The following MAPK4 variants were observed in gnomAD, a reference collection of about 807,000 sequenced individuals.
The protein encoded by MAPK4 is Erk3-related.
A neutral mutation model predicts 47.7 loss-of-function variants in MAPK4; 22 were observed. The observed-to-expected ratio is 0.46, with a 90% CI of 0.33 to 0.66. MAPK4 has a LOEUF of 0.66. Among genes scored for constraint, MAPK4 ranks in the 30% least tolerant of loss-of-function variants. The pLI is 0.02. For missense variants in MAPK4, 736 were observed against 831.7 expected, an observed-to-expected ratio of 0.88 and a Z score of 1.42; for synonymous variants, 390 against 365.7, an observed-to-expected ratio of 1.07 and a Z score of -0.76.
rs185290860 is a variant in MAPK4, at chr18:50,562,225, C to T, written c.-871+1982C>T. Among the ~76,000 whole-genome samples the T allele has an allele frequency of 2.7e-3, 415 of 152,182 alleles. 2 individuals are homozygous for T. The highest frequency in any genetic ancestry group is 9.6e-3 in the African/African-American group (397 of 41,532). On this transcript the variant is annotated intron_variant, in intron 1 of 5. Coordinates refer to ENST00000400384, the MANE Select transcript of MAPK4 (RefSeq NM_002747.4). Reference sequence around the variant, plus strand: ...ATTAGTGATTTGTATTAATCCAGAACCTAATCTGCTTTAACTCAATTACTC... The same window carrying T: ...ATTAGTGATTTGTATTAATCCAGAATCTAATCTGCTTTAACTCAATTACTC...
At chr18:50,661,767 A>G (rs1408831079) in intron 1 of MAPK4, among the ~76,000 whole-genome samples, 2 of 152,204 alleles carry the variant, frequency 1.3e-5, no homozygotes, top group African/African-American at 4.8e-5. Context: ...TTTCTTCCCA[A>G]TCTGAAATTC....
chr18:50,701,782 T>C (rs551747619), intron 2 of MAPK4, among the ~76,000 whole-genome samples: 1 of 152,176 alleles, frequency 6.6e-6, no homozygotes, highest in African/African-American at 2.4e-5. Flanking sequence ...TTATAGGTCA[T>C]GTACAAAAGA....
upstream of MAPK4, among the ~76,000 whole-genome samples, chr18:50,559,669 G>A (rs1325723487): frequency 6.7e-6 from 1 of 149,534 alleles, no homozygotes; most frequent in African/African-American, 2.5e-5. Flanking sequence ...GCGGGGCGGC[G>A]ACCGGGCTCA....
intron 1 of MAPK4, among the ~76,000 whole-genome samples, chr18:50,608,722 A>G (rs1348397413): frequency 6.6e-6 from 1 of 151,472 alleles, no homozygotes; most frequent in African/African-American, 2.4e-5. Context: ...TTATTTTATT[A>G]TTATTTTTGT....
At chr18:50,610,666 A>G (rs776140266) in intron 1 of MAPK4, among the ~76,000 whole-genome samples, 1 of 152,208 alleles carries the variant, frequency 6.6e-6, no homozygotes, top group Non-Finnish European at 1.5e-5. Flanking sequence ...GCTGAGAGAC[A>G]AGAGCTTCAT....
At chr18:50,593,355 A>T (rs572114902) in intron 1 of MAPK4, among the ~76,000 whole-genome samples, 3 of 152,076 alleles carry the variant, frequency 2.0e-5, no homozygotes, top group Non-Finnish European at 4.4e-5. Flanking sequence ...ACAGTTTCTC[A>T]TGTGGCATGA....
chr18:50,646,663 C>T (rs1415805312), intron 1 of MAPK4, among the ~76,000 whole-genome samples: 1 of 152,176 alleles, frequency 6.6e-6, no homozygotes, highest in African/African-American at 2.4e-5. Context: ...TAATGATGAC[C>T]CCCCTTGCTC....
intron 3 of MAPK4, among the ~76,000 whole-genome samples, chr18:50,718,728 CAT>C (rs1021874816): frequency 9.2e-5 from 14 of 152,040 alleles, no homozygotes; most frequent in Non-Finnish European, 1.5e-4. Flanking sequence ...ATATATAAAA[CAT>C]ATATTAATAT....
chr18:50,726,448 C>A (rs1320478490), intron 5 of MAPK4, among the ~76,000 whole-genome samples: 1 of 152,142 alleles, frequency 6.6e-6, no homozygotes, highest in African/African-American at 2.4e-5. Flanking sequence ...ATACAGTGCT[C>A]CGCAAGGATT....
intron 2 of MAPK4, among the ~76,000 whole-genome samples, chr18:50,706,627 C>A (rs1910073612): frequency 6.6e-6 from 1 of 152,146 alleles, no homozygotes; most frequent in Admixed American, 6.5e-5. Flanking sequence ...CAAGGACTGG[C>A]CTATTAAAAA....
At chr18:50,690,781 C>A (rs1390214423) in intron 2 of MAPK4, among the ~76,000 whole-genome samples, 2 of 152,152 alleles carry the variant, frequency 1.3e-5, no homozygotes, top group African/African-American at 4.8e-5. Context: ...AAGTGTACTT[C>A]TTTAATTATT....
chr18:50,610,514 T>A (rs992548201), intron 1 of MAPK4, among the ~76,000 whole-genome samples: 3 of 152,152 alleles, frequency 2.0e-5, no homozygotes, highest in African/African-American at 7.2e-5. Flanking sequence ...GGAGCAGCCC[T>A]CCTCCTGCCT....
chr18:50,701,003 G>T (rs920492505), intron 2 of MAPK4, among the ~76,000 whole-genome samples: 2 of 152,038 alleles, frequency 1.3e-5, no homozygotes, highest in Non-Finnish European at 2.9e-5. Context: ...TGCCCTTCAC[G>T]TGTTCCCTCC....
chr18:50,726,626 G>A (rs181818258), intron 5 of MAPK4, among the ~76,000 whole-genome samples: 5 of 152,220 alleles, frequency 3.3e-5, no homozygotes, highest in East Asian at 1.9e-4. Context: ...AACCAGGTTC[G>A]GTGGCTCATA....
At chr18:50,701,821 G>T (rs902721767) in intron 2 of MAPK4, among the ~76,000 whole-genome samples, 6 of 152,180 alleles carry the variant, frequency 3.9e-5, no homozygotes, top group Non-Finnish European at 8.8e-5. Context: ...TCCCAAATTT[G>T]ATAATCCAGA....
At chr18:50,634,319 T>TC (rs2042860246) in intron 1 of MAPK4, among the ~76,000 whole-genome samples, 1 of 151,072 alleles carries the variant, frequency 6.6e-6, no homozygotes, top group Non-Finnish European at 1.5e-5. Flanking sequence ...TTTTTTCTTT[T>TC]TTTTTTTTCC....
At chr18:50,602,680 G>C (rs890548106) in intron 1 of MAPK4, among the ~76,000 whole-genome samples, 1 of 152,148 alleles carries the variant, frequency 6.6e-6, no homozygotes. Flanking sequence ...TTAGCATAAG[G>C]TATGTGAGAA....
chr18:50,623,377 A>G (rs536007428), intron 1 of MAPK4, among the ~76,000 whole-genome samples: 2 of 152,304 alleles, frequency 1.3e-5, no homozygotes, highest in South Asian at 2.1e-4. Context: ...ATTTAGACTC[A>G]TCCCAAATCA....
intron 1 of MAPK4, among the ~76,000 whole-genome samples, chr18:50,603,446 C>T (rs2042557255): frequency 6.6e-6 from 1 of 152,200 alleles, no homozygotes; most frequent in South Asian, 2.1e-4. Flanking sequence ...CTGCCCTCCT[C>T]ATCCTCCTAA....
Sources: allele counts gnomAD v4.1 joint callset (sites outside exome capture counted in the v4.1 genomes callset), GRCh38; gene constraint gnomAD v4.1.1; transcripts MANE v1.5; gene names NCBI Gene and HGNC (gene_info 2026-07-23, HGNC 2026-07-21).